Variants in UBP1 observed in about 807,000 individuals in gnomAD.
The protein encoded by UBP1 is upstream binding protein 1, also known as upstream-binding protein 1.
In UBP1, 22 loss-of-function variants were observed where a neutral mutation model predicts 76.1. The ratio of observed to expected loss-of-function variants is 0.29; its 90% CI spans 0.21 to 0.41. The LOEUF is 0.41. Ranked by LOEUF, UBP1 falls within the 10% of genes least tolerant of loss-of-function variation. The pLI is 1.00. For missense variants in UBP1, 436 were observed against 668.1 expected (o/e 0.65, Z 3.83); for synonymous variants, 224 against 237.1 (o/e 0.94, Z 0.51).
In UBP1 at chr3:33,410,266, T is replaced by A. The variant is rs369360891; in HGVS notation, c.556-665A>T. On this transcript the variant is annotated intron_variant, in intron 5 of 15. Transcript: ENST00000283629. ...ACAGCCTTAGGGTTTCACACAGAGT[T>A]AACAGCAAGACCTTGGTCATTTCTG... Among the ~76,000 whole-genome samples the A allele has an allele frequency of 2.0e-5, 3 of 152,176 alleles. No individual in the cohort carries two copies. The South Asian group carries it at 6.2e-4, about 32-fold the overall frequency.
chr3:33,428,206 A>G (rs2045053400), intron 1 of UBP1, among the ~76,000 whole-genome samples: 1 of 149,526 alleles, frequency 6.7e-6, no homozygotes, highest in African/African-American at 2.5e-5. Context: ...AAAAAAAAGA[A>G]TCAGATCACC....
Position 33,416,823 on chromosome 3 carries a change from CAT to C in UBP1, c.275_276del (p.Tyr92Ter). 1 of 1,613,406 alleles carries C rather than the reference CAT, an allele frequency of 6.2e-7. No individual in the cohort carries two copies. Among genetic ancestry groups the C allele is most frequent in the Non-Finnish European group, 8.5e-7 (1 of 1,179,558 alleles). ...TTCCGATTATCCAGCATCCGAATTT[CAT>C]ATGACTGACCTATTTAAAGAAATTG... ...TLTYLNQGQS[Y>X]EIRMLDNRKM... On this transcript the variant is annotated frameshift_variant, in exon 3 of 16. Coordinates refer to ENST00000283629, the MANE Select transcript of UBP1 (RefSeq NM_014517.5). LOFTEE classifies it high-confidence loss of function.
At chr3:33,423,072 C>T (rs1282103824) in intron 2 of UBP1, among the ~76,000 whole-genome samples, 12 of 149,642 alleles carry the variant, frequency 8.0e-5, no homozygotes, top group South Asian at 4.2e-4. Flanking sequence ...GACAGAGTCT[C>T]GCTCTGTCAC....
intron 1 of UBP1, among the ~76,000 whole-genome samples, chr3:33,426,698 G>C (rs2154059324): frequency 6.6e-6 from 1 of 152,224 alleles, no homozygotes; most frequent in East Asian, 1.9e-4. Context: ...GGTCTTTTGT[G>C]ACTGGCTTCT....
chr3:33,441,177 C>T (rs1235704404), upstream of UBP1: 1 of 152,286 alleles, frequency 6.6e-6, no homozygotes, highest in African/African-American at 2.4e-5. Flanking sequence ...TCCTCAGCGA[C>T]CTAGCGTGGG....
At chr3:33,407,739 T>C (rs963048949) in intron 8 of UBP1, among the ~76,000 whole-genome samples, 4 of 152,192 alleles carry the variant, frequency 2.6e-5, no homozygotes, top group Admixed American at 2.0e-4. Context: ...ACCACAGCAA[T>C]TGCGATATGT....
At chr3:33,392,656 A>C in intron 14 of UBP1, 42 bp from the exon 15 acceptor site, 2 of 1,548,962 alleles carry the variant, frequency 1.3e-6, no homozygotes, top group Non-Finnish European at 1.8e-6. Context: ...TTAAGATCCA[A>C]CTGTCGTTTC....
chr3:33,395,769 A>AG (rs1318407646), intron 13 of UBP1, among the ~76,000 whole-genome samples: 1 of 149,640 alleles, frequency 6.7e-6, no homozygotes, highest in African/African-American at 2.5e-5. Flanking sequence ...AAAAAAAAAA[A>AG]AAAAGAAAAA....
chr3:33,415,743 G>A (rs2044711163), intron 3 of UBP1, among the ~76,000 whole-genome samples: 1 of 150,430 alleles, frequency 6.6e-6, no homozygotes, highest in Admixed American at 6.6e-5. Flanking sequence ...CTTTTACACT[G>A]ATACATTAAC....
In UBP1 at chr3:33,390,098, C is replaced by T. The variant is rs924206284; in HGVS notation, c.*233G>A. ...GCAGCTATGCCTGCACCGTGGCCTC[C>T]AGAGCTGGATGCATGCTGTGCCGAT... is the stretch of plus-strand genomic sequence containing the variant. On this transcript the variant is annotated 3_prime_UTR_variant, in exon 16 of 16. Transcript: ENST00000283629. 45 of 497,920 alleles carry T rather than the reference C, an allele frequency of 9.0e-5. No homozygotes were observed. Among genetic ancestry groups the T allele is most frequent in the Non-Finnish European group, 1.6e-4 (44 of 277,662 alleles). The allele number at this position is 497,920 out of a possible 1,614,324, so 30.8% of individuals were successfully genotyped here.
rs753597983 is a variant in UBP1, at chr3:33,400,970, A to G, written c.1078T>C (p.Ser360Pro). ...AGGAGAAAGATACTTACTTCACCAGAGGTCTGTGAAGCTCCATCTCCCTGA... is the reference window on the plus strand; with the variant it reads ...AGGAGAAAGATACTTACTTCACCAGGGGTCTGTGAAGCTCCATCTCCCTGA... ...NHQGDGASQT[S>P]GEQIQPSATI... is the part of the protein sequence containing the mutation. The change falls in exon 10 of 16, where the codon TCT becomes CCT. Residue 360 changes from serine (S) to proline (P), a missense_variant. By Grantham distance (74) the Ser-to-Pro change is moderately conservative. Transcript: ENST00000283629. 2 of 1,594,964 alleles carry G rather than the reference A, an allele frequency of 1.3e-6. No homozygotes were observed. The highest frequency in any genetic ancestry group is 1.7e-6 in the Non-Finnish European group (2 of 1,173,578).
intron 9 of UBP1, 88 bp from the exon 10 acceptor site, chr3:33,401,104 T>A: frequency 1.6e-6 from 2 of 1,270,348 alleles, no homozygotes; most frequent in Non-Finnish European, 2.2e-6. Flanking sequence ...GCATTGTAAC[T>A]ATGCAAATTT....
intron 3 of UBP1, among the ~76,000 whole-genome samples, chr3:33,413,891 A>C (rs1243928435): frequency 6.6e-6 from 1 of 152,186 alleles, no homozygotes; most frequent in Non-Finnish European, 1.5e-5. Flanking sequence ...GTGGCCCCTA[A>C]GACACCAATG....
chr3:33,430,385 G>A (rs2045092778), intron 1 of UBP1, among the ~76,000 whole-genome samples: 1 of 152,168 alleles, frequency 6.6e-6, no homozygotes, highest in Non-Finnish European at 1.5e-5. Context: ...CTGGTCCGGG[G>A]AACCACTGAC....
rs2043721362 is a variant in UBP1, at chr3:33,390,596, C to T, written c.1586-228G>A. ...TGCGAAGCCTGGCCCACTATCAACG[C>T]CCGCATTCCAACACTGTCTGCCAGT... On this transcript the variant is annotated intron_variant, in intron 15 of 15. Transcript: ENST00000283629. 8 of 582,096 alleles carry T rather than the reference C, an allele frequency of 1.4e-5. No individual in the cohort carries two copies. The South Asian group carries it at 1.4e-4, about 10-fold the overall frequency. 36.1% of individuals were successfully genotyped at this position (582,096 alleles called of 1,614,324 possible). A position where few individuals can be genotyped will look rare whatever the true frequency, so the allele number is the denominator to read the frequency against.
chr3:33,433,582 G>C (rs1245888014), intron 1 of UBP1, among the ~76,000 whole-genome samples: 1 of 151,748 alleles, frequency 6.6e-6, no homozygotes, highest in Admixed American at 6.6e-5. Flanking sequence ...GAACCTGGGA[G>C]GTGGAGGTTG....
At chr3:33,426,953 ACT>A (rs1396417951) in intron 1 of UBP1, among the ~76,000 whole-genome samples, 1 of 152,026 alleles carries the variant, frequency 6.6e-6, no homozygotes, top group African/African-American at 2.4e-5. Context: ...TCACATGGTA[ACT>A]CTGTTTAACT....
At chr3:33,425,271 G>C (rs1013348359) in intron 2 of UBP1, among the ~76,000 whole-genome samples, 4 of 152,120 alleles carry the variant, frequency 2.6e-5, no homozygotes, top group African/African-American at 9.7e-5. Flanking sequence ...CTGGACTTCT[G>C]ATTCATTCTC....
chr3:33,404,641 C>T (rs1237850457), intron 8 of UBP1, among the ~76,000 whole-genome samples: 1 of 151,584 alleles, frequency 6.6e-6, no homozygotes, highest in Non-Finnish European at 1.5e-5. Context: ...AGTGAGACCC[C>T]CATCTTGAAA....
Sources: gnomAD v4.1 joint callset for allele counts (sites outside exome capture counted in the v4.1 genomes callset) on GRCh38, gnomAD v4.1.1 for gene constraint, MANE v1.5 for transcripts, NCBI Gene and HGNC (gene_info 2026-07-23, HGNC 2026-07-21) for gene names.